The following LITAF variants were observed in gnomAD, a reference collection of about 807,000 sequenced individuals.
LITAF encodes the protein lipopolysaccharide induced TNF factor, also known as lipopolysaccharide-induced tumor necrosis factor-alpha factor.
LITAF carries 9 observed loss-of-function variants against 14.5 expected under a neutral mutation model. That is an observed-to-expected ratio of 0.62 (90% CI 0.37 to 1.08). The LOEUF (loss-of-function observed/expected upper bound fraction) is 1.08. LITAF is among the 50% of genes least tolerant of loss of function. The pLI, the probability that LITAF is intolerant of heterozygous loss-of-function variation, is 0.01. For missense variants in LITAF, 206 were observed against 213.4 expected (o/e 0.97, Z 0.22); for synonymous variants, 98 against 88.2 (o/e 1.11, Z -0.62).
intron 3 of LITAF, among the ~76,000 whole-genome samples, chr16:11,619,433 C>T (rs746682420): frequency 6.6e-6 from 1 of 152,180 alleles, no homozygotes; most frequent in Non-Finnish European, 1.5e-5. Flanking sequence ...CCCATGTGCA[C>T]TTCACCCTGT....
At chr16:11,584,694 A>G (rs1039758310) in intron 1 of LITAF, among the ~76,000 whole-genome samples, 1 of 152,182 alleles carries the variant, frequency 6.6e-6, no homozygotes, top group African/African-American at 2.4e-5. Context: ...TTCTGGAGTT[A>G]CAAGGGCATT....
upstream of LITAF, among the ~76,000 whole-genome samples, chr16:11,599,787 G>C (rs1488744438): frequency 6.6e-6 from 1 of 152,046 alleles, no homozygotes; most frequent in Admixed American, 6.6e-5. Context: ...AGCTGTTTCA[G>C]AACTGTCCTG....
chr16:11,580,293 T>C (rs1248086541), intron 1 of LITAF, among the ~76,000 whole-genome samples: 1 of 151,980 alleles, frequency 6.6e-6, no homozygotes, highest in Non-Finnish European at 1.5e-5. Flanking sequence ...AGTCTCATTC[T>C]GTGGCCCAGG....
chr16:11,548,305 T>C lies in LITAF; in HGVS notation c.*1332A>G, dbSNP rs1442788589. ...TGACACAGCAGCCAACCTAGAATCC[T>C]GGCTTGCTGCTTGAGTCCTAGAAAT... is the stretch of plus-strand genomic sequence containing the variant. On this transcript the variant is annotated 3_prime_UTR_variant, in exon 4 of 4. Coordinates refer to ENST00000622633, the MANE Select transcript of LITAF (RefSeq NM_001136472.2). 1 of 454,084 alleles carries C rather than the reference T, an allele frequency of 2.2e-6. No homozygotes were observed. Among genetic ancestry groups the C allele is most frequent in the Non-Finnish European group, 4.4e-6 (1 of 226,770 alleles). 28.1% of individuals were successfully genotyped at this position (454,084 alleles called of 1,614,324 possible).
chr16:11,635,431 G>T (rs966168712), intron 2 of LITAF, among the ~76,000 whole-genome samples: 2 of 152,184 alleles, frequency 1.3e-5, no homozygotes, highest in African/African-American at 4.8e-5. Flanking sequence ...CCTCCACCCT[G>T]GCTCACCTTT....
chr16:11,613,480 G>A (rs751294527), intron 3 of LITAF, among the ~76,000 whole-genome samples: 1 of 152,162 alleles, frequency 6.6e-6, no homozygotes, highest in Non-Finnish European at 1.5e-5. Context: ...GTGTTGTTCC[G>A]CCTGTTTAGA....
intron 3 of LITAF, among the ~76,000 whole-genome samples, chr16:11,617,772 C>T (rs1484095670): frequency 2.0e-5 from 3 of 152,022 alleles, no homozygotes; most frequent in Admixed American, 6.6e-5. Context: ...AGCCAAGGGA[C>T]AACGCCATCT....
At chr16:11,638,701 C>CAAAAAAAAAA (rs57170972), upstream of LITAF, among the ~76,000 whole-genome samples, 6 of 75,964 alleles carry the variant, frequency 7.9e-5, no homozygotes, top group Non-Finnish European at 9.6e-5. Context: ...GACTCTGTCT[C>CAAAAAAAAAA]AAAAAAAAAA....
chr16:11,630,633 C>T (rs1384246922), intron 3 of LITAF, among the ~76,000 whole-genome samples: 1 of 146,156 alleles, frequency 6.8e-6, no homozygotes, highest in Non-Finnish European at 1.5e-5. Flanking sequence ...GGCTGGAGTG[C>T]AGTGGTGAGA....
At position 11,595,141 on chromosome 16, in the gene LITAF, A is replaced by AT. The variant is rs574290207; in HGVS notation, c.-6+3246dup. On this transcript the variant is annotated intron_variant, in intron 1 of 3. Transcript: ENST00000571627. ...ACCAATTCCGGTCACTCATGTTTCC[A>AT]TAACACCTTTCCATTTCTAAAACAT... Among the ~76,000 whole-genome samples the AT allele has an allele frequency of 9.0e-4, 137 of 152,284 alleles. 2 individuals are homozygous for AT. The South Asian group carries it at 0.027, about 30-fold the overall frequency.
intron 3 of LITAF, among the ~76,000 whole-genome samples, chr16:11,626,126 G>C (rs983899893): frequency 2.0e-5 from 3 of 151,932 alleles, no homozygotes; most frequent in Non-Finnish European, 4.4e-5. Context: ...GTATGAATTA[G>C]TTCCCCTATG....
chr16:11,605,681 G>A lies in LITAF; in HGVS notation c.85+27852C>T, dbSNP rs1470304121. Among the ~76,000 whole-genome samples, 1 of 152,176 alleles carries A rather than the reference G, an allele frequency of 6.6e-6. No homozygotes were observed. Among genetic ancestry groups the A allele is most frequent in the Non-Finnish European group, 1.5e-5 (1 of 68,016 alleles). The stretch of plus-strand genomic sequence containing the variant: ...GCACGGAGGCCAAGGCAGGAGGATC[G>A]CTGGAGGCCAGGAGTTCGAAGCTGC... On this transcript the variant is annotated intron_variant, in intron 3 of 3. Transcript: ENST00000574848. This position sits in a 1 kb window ranked among gnomAD's most constrained non-coding sequence, Gnocchi z 4.7.
Position 11,548,822 on chromosome 16 carries a change from A to T in LITAF, c.*815T>A, listed in dbSNP as rs1471389035. The T allele has an allele frequency of 6.6e-6, 3 of 452,376 alleles. No individual in the cohort carries two copies. The highest frequency in any genetic ancestry group is 6.0e-5 in the African/African-American group (3 of 49,718). 28.0% of individuals were successfully genotyped at this position (452,376 alleles called of 1,614,324 possible). On this transcript the variant is annotated 3_prime_UTR_variant, in exon 4 of 4. Transcript: ENST00000622633. Reference sequence around the variant, plus strand: ...AAGACCCCATCTCTGTTTTTTTTTAAAAAAAAGAAATTCTGTTCAAAAGTA... The same window carrying T: ...AAGACCCCATCTCTGTTTTTTTTTATAAAAAAGAAATTCTGTTCAAAAGTA...
At chr16:11,617,786 G>C (rs1216193109) in intron 3 of LITAF, among the ~76,000 whole-genome samples, 1 of 152,044 alleles carries the variant, frequency 6.6e-6, no homozygotes, top group Admixed American at 6.6e-5. Flanking sequence ...GCCATCTCTT[G>C]ATCTAAGCCT....
chr16:11,604,921 C>T (rs1208590424), intron 3 of LITAF, among the ~76,000 whole-genome samples: 7 of 152,166 alleles, frequency 4.6e-5, no homozygotes, highest in Admixed American at 4.6e-4. Flanking sequence ...GAACTGCCTG[C>T]TCAGTGTAAT....
intron 1 of LITAF, among the ~76,000 whole-genome samples, chr16:11,581,804 G>A (rs1322813389): frequency 6.6e-6 from 1 of 152,130 alleles, no homozygotes; most frequent in Non-Finnish European, 1.5e-5. Context: ...CTGCCCAGCT[G>A]AATGCATATT....
upstream of LITAF, among the ~76,000 whole-genome samples, chr16:11,636,867 T>C (rs904496463): frequency 7.2e-5 from 11 of 152,004 alleles, no homozygotes; most frequent in Admixed American, 7.2e-4. Context: ...CTAAATAATT[T>C]ATTTTTCTTT....
intron 3 of LITAF, among the ~76,000 whole-genome samples, chr16:11,615,563 G>A (rs1201391214): frequency 6.6e-6 from 1 of 152,088 alleles, no homozygotes; most frequent in East Asian, 1.9e-4. Context: ...AGCCAGGTGT[G>A]GTGGTGCATG....
chr16:11,561,217 T>C (rs2064359360), intron 1 of LITAF: 2 of 152,192 alleles, frequency 1.3e-5, no homozygotes, highest in Non-Finnish European at 2.9e-5. Context: ...AATGGAATGC[T>C]TTGAGGGAAA....
Sources: allele counts gnomAD v4.1 joint callset (sites outside exome capture counted in the v4.1 genomes callset), GRCh38; gene constraint gnomAD v4.1.1; non-coding constraint Gnocchi (gnomAD v3.1); transcripts MANE v1.5; gene names NCBI Gene and HGNC (gene_info 2026-07-23, HGNC 2026-07-21).